THSD7B: variants seen among roughly 807,000 people sequenced by gnomAD.
The protein encoded by THSD7B is thrombospondin type 1 domain containing 7B.
Under a neutral mutation model 213.6 loss-of-function variants are expected in THSD7B, and 138 were observed. That is an observed-to-expected ratio of 0.65 (90% CI 0.56 to 0.74). The LOEUF (loss-of-function observed/expected upper bound fraction) is 0.74. THSD7B is among the 30% of genes least tolerant of loss of function. THSD7B has a pLI of 0.00. For missense variants in THSD7B, 1,931 were observed against 1,991.5 expected (o/e 0.97, Z 0.58); for synonymous variants, 742 against 687.0 (o/e 1.08, Z -1.25).
At chr2:137,594,578 T>A (rs1032744843) in intron 17 of THSD7B, among the ~76,000 whole-genome samples, 4 of 152,052 alleles carry the variant, frequency 2.6e-5, no homozygotes, top group Admixed American at 6.6e-5. Context: ...GATTGGTTTG[T>A]CTATCCATGC....
intron 5 of THSD7B, among the ~76,000 whole-genome samples, chr2:137,123,220 G>T (rs1688573770): frequency 6.6e-6 from 1 of 152,100 alleles, no homozygotes; most frequent in South Asian, 2.1e-4. Context: ...CTGGGATCTG[G>T]CTTCCTTGAG....
intron 17 of THSD7B, among the ~76,000 whole-genome samples, chr2:137,598,435 G>T (rs904556497): frequency 1.3e-5 from 2 of 152,164 alleles, no homozygotes; most frequent in African/African-American, 4.8e-5. Context: ...TACAGATTCT[G>T]CCATGTGTTC....
intron 7 of THSD7B, among the ~76,000 whole-genome samples, chr2:137,190,497 C>T (rs1489577606): frequency 3.3e-5 from 5 of 152,088 alleles, no homozygotes; most frequent in Non-Finnish European, 7.4e-5. Flanking sequence ...CTGCCAGACC[C>T]GCCTGCAGCA....
At chr2:137,491,200 G>A (rs1036116357) in intron 15 of THSD7B, among the ~76,000 whole-genome samples, 1 of 152,248 alleles carries the variant, frequency 6.6e-6, no homozygotes, top group Non-Finnish European at 1.5e-5. Context: ...AAGGAAACAC[G>A]TCTCCCTAAC....
At position 136,954,740 on chromosome 2, in the gene THSD7B, T is replaced by G. The variant is rs200716241; in HGVS notation, c.139+72423T>G. ...AAAAAAAAAAAAAAAAAAAAGAAAT[T>G]ACATAAGAGCTTTTATACTGTTTAT... On this transcript the variant is annotated intron_variant, in intron 2 of 27. Coordinates refer to ENST00000409968, the MANE Select transcript of THSD7B (RefSeq NM_001316349.2). 2.0e-3 allele frequency among the ~76,000 whole-genome samples: 269 copies of G among 137,428 alleles called. 15 individuals carry two copies. The highest frequency in any genetic ancestry group is 7.4e-3 in the African/African-American group (239 of 32,274). 90.2% of individuals were successfully genotyped at this position (137,428 alleles called of 152,430 possible).
At chr2:136,805,433 A>G (rs79373240) in intron 1 of THSD7B, among the ~76,000 whole-genome samples, 1 of 152,338 alleles carries the variant, frequency 6.6e-6, no homozygotes, top group African/African-American at 2.4e-5. Context: ...CATGAATCTA[A>G]ATGGATACAG....
intron 2 of THSD7B, among the ~76,000 whole-genome samples, chr2:137,013,506 G>A (rs1034045845): frequency 4.6e-5 from 7 of 152,156 alleles, no homozygotes; most frequent in African/African-American, 7.2e-5. Context: ...AAGTTCCAGA[G>A]GTGGGCAGAG....
chr2:137,379,594 A>T (rs1445662674), intron 12 of THSD7B, among the ~76,000 whole-genome samples: 1 of 152,206 alleles, frequency 6.6e-6, no homozygotes, highest in African/African-American at 2.4e-5. Context: ...ACTAGCTTTA[A>T]CTTCCAGATA....
intron 2 of THSD7B, among the ~76,000 whole-genome samples, chr2:136,889,237 T>C (rs1683773920): frequency 6.6e-6 from 1 of 152,180 alleles, no homozygotes; most frequent in Non-Finnish European, 1.5e-5. Flanking sequence ...TTATTCTAAA[T>C]CTTATAACAA....
chr2:136,989,322 C>A (rs1319791853), intron 2 of THSD7B, among the ~76,000 whole-genome samples: 1 of 152,254 alleles, frequency 6.6e-6, no homozygotes, highest in South Asian at 2.1e-4. Context: ...GAGGCAGATC[C>A]CTCATGAATG....
chr2:137,214,675 G>T (rs6716945), intron 7 of THSD7B, among the ~76,000 whole-genome samples: 1 of 151,194 alleles, frequency 6.6e-6, no homozygotes. Context: ...GAGTGAGAAC[G>T]TGTGGTGTTT....
intron 17 of THSD7B, among the ~76,000 whole-genome samples, chr2:137,613,656 T>C (rs1166974753): frequency 6.6e-6 from 1 of 152,180 alleles, no homozygotes; most frequent in African/African-American, 2.4e-5. Flanking sequence ...TATTCACACA[T>C]CATTTTCCCA....
chr2:136,967,021 G>A (rs147338336), intron 2 of THSD7B, among the ~76,000 whole-genome samples: 81 of 152,072 alleles, frequency 5.3e-4, no homozygotes, highest in African/African-American at 1.8e-3. Context: ...TTGATATGCC[G>A]TGTATCTTCA....
intron 11 of THSD7B, 66 bp from the exon 12 acceptor site, chr2:137,275,857 T>C (rs937899634): frequency 7.5e-6 from 9 of 1,203,150 alleles, no homozygotes; most frequent in Non-Finnish European, 1.1e-5. Context: ...TTCAAACATA[T>C]GTAAGTATTT....
At chr2:136,782,562 G>A (rs1365823748) in intron 1 of THSD7B, among the ~76,000 whole-genome samples, 2 of 152,078 alleles carry the variant, frequency 1.3e-5, no homozygotes, top group African/African-American at 4.8e-5. Flanking sequence ...TAGCAAAGAT[G>A]AAATTATGTT....
At chr2:137,615,779 G>T (rs1199078502) in intron 17 of THSD7B, among the ~76,000 whole-genome samples, 1 of 151,644 alleles carries the variant, frequency 6.6e-6, no homozygotes, top group Non-Finnish European at 1.5e-5. Context: ...ATTTTTATTG[G>T]TCTAGACTAT....
intron 1 of THSD7B, among the ~76,000 whole-genome samples, chr2:136,789,117 T>G (rs1172849791): frequency 5.9e-5 from 9 of 152,120 alleles, no homozygotes; most frequent in Non-Finnish European, 1.3e-4. Context: ...TTAAAATCAC[T>G]AATTAAAGGG....
At chr2:137,360,700 C>A (rs1437980935) in intron 12 of THSD7B, among the ~76,000 whole-genome samples, 1 of 152,168 alleles carries the variant, frequency 6.6e-6, no homozygotes, top group Non-Finnish European at 1.5e-5. Context: ...AACAAAGTGG[C>A]CTGGAATCTC....
chr2:137,623,053 G>T (rs1682551849), intron 20 of THSD7B, among the ~76,000 whole-genome samples: 2 of 152,130 alleles, frequency 1.3e-5, no homozygotes, highest in African/African-American at 2.4e-5. Flanking sequence ...CAATATCCTT[G>T]ATGAACATCG....
Sources: gnomAD v4.1 joint callset for allele counts (sites outside exome capture counted in the v4.1 genomes callset) on GRCh38, gnomAD v4.1.1 for gene constraint, MANE v1.5 for transcripts, NCBI Gene and HGNC (gene_info 2026-07-23, HGNC 2026-07-21) for gene names.